Variants in C16orf92 observed in about 807,000 individuals in gnomAD.
The protein encoded by C16orf92 is fertilization-influencing membrane protein 1, also known as fertilization-influencing membrane protein.
A neutral mutation model predicts 13.7 loss-of-function variants in C16orf92; 14 were observed. The ratio of observed to expected loss-of-function variants is 1.02; its 90% CI spans 0.67 to 1.60. C16orf92 has a LOEUF of 1.60. C16orf92 is among the 40% of genes most tolerant of loss of function. The probability of loss-of-function intolerance (pLI) is 0.00; values close to 1 mark genes in which losing one functional copy is unlikely to be tolerated. For missense variants in C16orf92, 116 were observed against 139.0 expected (o/e 0.83, Z 0.83); for synonymous variants, 50 against 57.4 (o/e 0.87, Z 0.58).
rs2070939841 is a variant in C16orf92, at chr16:30,023,203, T to TCTCC, written c.-138_-137insCTCC. 4 of 710,288 alleles carry TCTCC rather than the reference T, an allele frequency of 5.6e-6. No homozygotes were observed. Among genetic ancestry groups the TCTCC allele is most frequent in the Admixed American group, 2.5e-5 (1 of 40,750 alleles). The allele number at this position is 710,288 out of a possible 1,614,324, so 44.0% of individuals were successfully genotyped here. A position where few individuals can be genotyped will look rare whatever the true frequency, so the allele number is the denominator to read the frequency against. On this transcript the variant is annotated 5_prime_UTR_variant, in exon 1 of 4. Transcript: ENST00000681219. ...GGGTGAAGACTGGTCCCAACCTCTC[T>TCTCC]TCTCCTCTCCTCTTCTGATGAGAGT...
rs1440515437 is a variant in C16orf92 at position 30,023,335 on chromosome 16, G to C, written c.-6G>C. ...ATCACAGAGCCCCCACCTCATGATA[G>C]GAGTCATGAGGCTGTGGCCATGGGT... On this transcript the variant is annotated 5_prime_UTR_variant, in exon 1 of 4. Transcript: ENST00000681219. The C allele has an allele frequency of 6.3e-7, 1 of 1,598,428 alleles. No individual in the cohort carries two copies.
Position 30,024,028 on chromosome 16 carries a change from C to T in C16orf92, c.253C>T (p.Leu85=), listed in dbSNP as rs780835380. Residue 85 remains leucine (L), a synonymous_variant, in exon 3 of 4, where the codon CTG becomes TTG. Coordinates refer to ENST00000681219, the MANE Select transcript of C16orf92 (RefSeq NM_001109659.2). ...GSSPGLFHHI[L]VGLLVVAFFF... is the part of the protein sequence containing the mutation. Reference sequence around the variant, plus strand: ...CAGCCCCGGGCTCTTCCATCACATCCTGGTGGGCTTGCTGGTGGTGGCGTT... The same window carrying T: ...CAGCCCCGGGCTCTTCCATCACATCTTGGTGGGCTTGCTGGTGGTGGCGTT... 1.3e-5 allele frequency: 21 copies of T among 1,614,082 alleles called. No homozygotes were observed. Among genetic ancestry groups the T allele is most frequent in the Non-Finnish European group, 1.7e-5 (20 of 1,179,912 alleles).
downstream of C16orf92, chr16:30,027,497 A>C (rs1432005815): frequency 6.7e-6 from 3 of 444,644 alleles, no homozygotes; most frequent in Non-Finnish European, 1.4e-5. Flanking sequence ...AGAAGATCCG[A>C]GAGGCATCAG....
At position 30,024,044 on chromosome 16, in the gene C16orf92, TGGTGGC is replaced by T. The variant is rs781065286; in HGVS notation, c.271_276del (p.Val91_Ala92del). The T allele has an allele frequency of 5.0e-6, 8 of 1,614,074 alleles. No homozygotes were observed. Among genetic ancestry groups the T allele is most frequent in the Non-Finnish European group, 6.8e-6 (8 of 1,179,956 alleles). ...CATCACATCCTGGTGGGCTTGCTGGTGGTGGCGTTCTTCTTTCTCCTTTTCCAGTTC... is the reference window on the plus strand; with the variant it reads ...CATCACATCCTGGTGGGCTTGCTGGTGTTCTTCTTTCTCCTTTTCCAGTTC... On this transcript the variant is annotated inframe_deletion, in exon 3 of 4. Coordinates refer to ENST00000681219, the MANE Select transcript of C16orf92 (RefSeq NM_001109659.2).
At chr16:30,025,501 A>C, downstream of C16orf92, 1 of 1,607,838 alleles carries the variant, frequency 6.2e-7, no homozygotes, top group Non-Finnish European at 8.5e-7. The surrounding 1 kb of genome is among the most constrained non-coding windows in gnomAD (Gnocchi z 4.1). Flanking sequence ...CCACGGCAGC[A>C]GAAGGGCTCG....
downstream of C16orf92, chr16:30,025,743 C>T (rs767670189): frequency 1.2e-6 from 2 of 1,614,148 alleles, no homozygotes; most frequent in South Asian, 2.2e-5. The surrounding 1 kb of genome is among the most constrained non-coding windows in gnomAD (Gnocchi z 4.1). Flanking sequence ...AGGATCTTGC[C>T]AAGGCAGACG....
chr16:30,023,999 G>A lies in C16orf92; in HGVS notation c.224G>A (p.Gly75Asp). 2 of 1,613,062 alleles carry A rather than the reference G, an allele frequency of 1.2e-6. No individual in the cohort carries two copies. Among genetic ancestry groups the A allele is most frequent in the South Asian group, 2.2e-5 (2 of 91,062 alleles). ...GEKPIVFINSGSSPGLFHHIL... is the reference protein window; with the variant it reads ...GEKPIVFINSDSSPGLFHHIL... ...GTTAAGGGTCCTGTTTGTCTAGCAGGTTCCAGCCCCGGGCTCTTCCATCAC... is the reference window on the plus strand; with the variant it reads ...GTTAAGGGTCCTGTTTGTCTAGCAGATTCCAGCCCCGGGCTCTTCCATCAC... The change falls in exon 3 of 4, where the codon GGT (glycine) becomes GAT (aspartate). Residue 75 changes from glycine (G) to aspartate (D), a missense_variant and splice_region_variant. Transcript: ENST00000681219.
At chr16:30,025,515 C>G (rs777338904), downstream of C16orf92, 3 of 1,602,880 alleles carry the variant, frequency 1.9e-6, no homozygotes, top group South Asian at 1.1e-5. This position sits in a 1 kb window ranked among gnomAD's most constrained non-coding sequence, Gnocchi z 4.1. Context: ...GGGCTCGGCC[C>G]CCCTTGGCCC....
downstream of C16orf92, chr16:30,026,968 T>TC (rs2071171583): frequency 1.3e-6 from 1 of 792,272 alleles, no homozygotes; most frequent in East Asian, 2.7e-5. Context: ...AGATGAGGGA[T>TC]CCAGAGGGTA....
At chr16:30,025,236 G>A (rs1473585587), downstream of C16orf92, 18 of 1,525,090 alleles carry the variant, frequency 1.2e-5, no homozygotes, top group South Asian at 2.5e-5. The surrounding 1 kb of genome is among the most constrained non-coding windows in gnomAD (Gnocchi z 4.1). Flanking sequence ...CAGAAGAGGC[G>A]GCAGGCCCCA....
chr16:30,025,158 AG>A (rs1212012176), downstream of C16orf92: 8 of 1,348,042 alleles, frequency 5.9e-6, no homozygotes, highest in African/African-American at 9.0e-5. This position sits in a 1 kb window ranked among gnomAD's most constrained non-coding sequence, Gnocchi z 4.1. Flanking sequence ...GGGGGTGGGG[AG>A]GGGGAGGGTC....
downstream of C16orf92, among the ~76,000 whole-genome samples, chr16:30,026,109 C>T (rs1372106025): frequency 6.6e-6 from 1 of 152,128 alleles, no homozygotes; most frequent in African/African-American, 2.4e-5. Context: ...TTGGTGGGCA[C>T]CTGTAATCCC....
downstream of C16orf92, chr16:30,024,917 C>A: frequency 2.4e-6 from 1 of 414,542 alleles, no homozygotes; most frequent in Non-Finnish European, 4.2e-6. Flanking sequence ...CCCCACAAGC[C>A]CTCCTGCCCT....
chr16:30,024,195 A>G lies in C16orf92; in HGVS notation c.312-11A>G, dbSNP rs1278458340. 4 of 1,613,800 alleles carry G rather than the reference A, an allele frequency of 2.5e-6. No individual in the cohort carries two copies. The highest frequency in any genetic ancestry group is 1.7e-5 in the Admixed American group (1 of 59,976). The stretch of plus-strand genomic sequence containing the variant: ...CTGTGACCTCTCCCCTCTGATCTCC[A>G]TGCCCCACAGAAACTTCCAGAAAGG... On this transcript the variant is annotated splice_polypyrimidine_tract_variant and intron_variant, in intron 3 of 3. Coordinates refer to ENST00000681219, the MANE Select transcript of C16orf92 (RefSeq NM_001109659.2).
chr16:30,024,659 C>A lies in C16orf92; in HGVS notation c.*432C>A, dbSNP rs998525599. On this transcript the variant is annotated 3_prime_UTR_variant, in exon 4 of 4. Transcript: ENST00000681219. ...CACCTCCTTCCCCCAACCCAACAGA[C>A]TAGTTCAAATTTGGGTAAATAAATA... is the stretch of plus-strand genomic sequence containing the variant. The A allele has an allele frequency of 1.9e-5, 4 of 213,734 alleles. No homozygotes were observed. Among genetic ancestry groups the A allele is most frequent in the African/African-American group, 9.2e-5 (4 of 43,510 alleles). The allele number at this position is 213,734 out of a possible 1,614,324, so 13.2% of individuals were successfully genotyped here. A position where few individuals can be genotyped will look rare whatever the true frequency, so the allele number is the denominator to read the frequency against.
chr16:30,024,817 G>A (rs2071027482), downstream of C16orf92: 1 of 235,590 alleles, frequency 4.2e-6, no homozygotes, highest in Non-Finnish European at 8.1e-6. Context: ...GAGCCCTGGG[G>A]GATGGCAGCA....
Position 30,024,345 on chromosome 16 carries a change from C to G in C16orf92, c.*118C>G. On this transcript the variant is annotated 3_prime_UTR_variant, in exon 4 of 4. Coordinates refer to ENST00000681219, the MANE Select transcript of C16orf92 (RefSeq NM_001109659.2). ...GACTGCCCAGCGAGCAGCTGGGGATCCTGTCCCCTCTGTTTCCCATGGCCC... is the reference window on the plus strand; with the variant it reads ...GACTGCCCAGCGAGCAGCTGGGGATGCTGTCCCCTCTGTTTCCCATGGCCC... 3.0e-6 allele frequency: 4 copies of G among 1,349,862 alleles called. No homozygotes were observed. The highest frequency in any genetic ancestry group is 4.1e-6 in the Non-Finnish European group (4 of 983,458). 83.6% of individuals were successfully genotyped at this position (1,349,862 alleles called of 1,614,324 possible).
At chr16:30,025,525 C>T (rs1424591432), downstream of C16orf92, 12 of 1,595,854 alleles carry the variant, frequency 7.5e-6, no homozygotes, top group Admixed American at 1.7e-4. The surrounding 1 kb of genome is among the most constrained non-coding windows in gnomAD (Gnocchi z 4.1). Context: ...CCCCTTGGCC[C>T]TCTCCCTGCC....
At chr16:30,027,213 G>A (rs912000391), downstream of C16orf92, 4 of 462,732 alleles carry the variant, frequency 8.6e-6, no homozygotes, top group African/African-American at 4.0e-5. Context: ...ACCTTACCAT[G>A]AGGTTAGGAC....
Sources: allele counts gnomAD v4.1 joint callset (sites outside exome capture counted in the v4.1 genomes callset), GRCh38; gene constraint gnomAD v4.1.1; non-coding constraint Gnocchi (gnomAD v3.1); transcripts MANE v1.5; gene names NCBI Gene and HGNC (gene_info 2026-07-23, HGNC 2026-07-21).